Variants in EFCAB6 observed in about 807,000 individuals in gnomAD.
The protein encoded by EFCAB6 is EF-hand calcium-binding domain-containing protein 6.
A neutral mutation model predicts 169.8 loss-of-function variants in EFCAB6; 156 were observed. The ratio of observed to expected loss-of-function variants is 0.92; its 90% CI spans 0.81 to 1.05. The LOEUF is 1.05. Ranked by LOEUF, EFCAB6 falls within the 50% of genes least tolerant of loss-of-function variation. The pLI is 0.00. For synonymous variants in EFCAB6, 698 were observed against 676.4 expected (o/e 1.03, Z -0.50); for missense variants, 1,800 against 1,829.1 (o/e 0.98, Z 0.29).
In EFCAB6 at chr22:43,665,560, G is replaced by A. The variant is rs187615315; in HGVS notation, c.1983+1544C>T. Among the ~76,000 whole-genome samples, 63 of 152,332 alleles carry A rather than the reference G, an allele frequency of 4.1e-4. 2 individuals carry two copies. In the East Asian group the frequency reaches 6.0e-3, roughly 14 times the overall value. ...CATTACGGACAAGGACCCGTGCCAC[G>A]TAGCTCAGGGTGAAATAAAATCTAG... On this transcript the variant is annotated intron_variant, in intron 17 of 31. Transcript: ENST00000262726.
At chr22:43,629,467 G>A (rs1014943305) in intron 19 of EFCAB6, among the ~76,000 whole-genome samples, 1 of 152,182 alleles carries the variant, frequency 6.6e-6, no homozygotes, top group Non-Finnish European at 1.5e-5. Flanking sequence ...CCTCCAGTTC[G>A]CTGCCCAGCA....
intron 2 of EFCAB6, among the ~76,000 whole-genome samples, chr22:43,800,811 G>A (rs1001842151): frequency 6.6e-6 from 1 of 151,982 alleles, no homozygotes; most frequent in African/African-American, 2.4e-5. Flanking sequence ...AGAATGAAAA[G>A]CAATGAAGAT....
intron 4 of EFCAB6, among the ~76,000 whole-genome samples, chr22:43,767,826 A>G (rs2061362086): frequency 4.1e-4 from 1 of 2,432 alleles, no homozygotes; most frequent in Non-Finnish European, 8.7e-4. Flanking sequence ...TTGCGATGAT[A>G]GTCTCCAAAG....
intron 3 of EFCAB6, among the ~76,000 whole-genome samples, chr22:43,777,850 G>C (rs2061690150): frequency 6.6e-6 from 1 of 152,200 alleles, no homozygotes. Context: ...AACGTCTGAG[G>C]ATGAAAATGA....
rs924532150 is a variant in EFCAB6, at chr22:43,540,135, G to A, written c.3871C>T (p.His1291Tyr). ...ELRPGSKSQS[H>Y]PCTPASTTVI... ...CAGGATGGAGAACTCACACAGGGGT[G>A]GCTCTGCGACTTTGACCCTGGTCTC... Residue 1291 changes from histidine (H) to tyrosine (Y), a missense_variant, in exon 28 of 32, where the codon CAC (histidine) becomes TAC (tyrosine). Transcript: ENST00000262726. 4 of 1,614,032 alleles carry A rather than the reference G, an allele frequency of 2.5e-6. No homozygotes were observed. The South Asian group carries it at 3.3e-5, about 13-fold the overall frequency.
Position 43,600,138 on chromosome 22 carries a change from G to A in EFCAB6, c.2807C>T (p.Thr936Ile). Residue 936 changes from threonine to isoleucine, a missense_variant, in exon 23 of 32, where the codon ACA (threonine) becomes ATA (isoleucine). Thr to Ile is a moderately conservative substitution (Grantham distance 89, BLOSUM62 -1). Transcript: ENST00000262726. ...EDYFNFMGHF[T>I]KPQQLQEEMK... ...CTCTTCCTGTAGCTGCTGTGGCTTT[G>A]TAAAATGACCCATGAAGTTGAAATA... 6.2e-7 allele frequency: 1 copy of A among 1,614,122 alleles called. No homozygotes were observed. The highest frequency in any genetic ancestry group is 8.5e-7 in the Non-Finnish European group (1 of 1,180,014).
At chr22:43,742,105 A>C (rs1425375282) in intron 6 of EFCAB6, among the ~76,000 whole-genome samples, 1 of 152,188 alleles carries the variant, frequency 6.6e-6, no homozygotes, top group Non-Finnish European at 1.5e-5. Context: ...GTCATTACCC[A>C]TGGAGACCTA....
chr22:43,665,468 C>T (rs192401621), intron 17 of EFCAB6, among the ~76,000 whole-genome samples: 176 of 152,252 alleles, frequency 1.2e-3, no homozygotes, highest in African/African-American at 4.0e-3. Flanking sequence ...ATTAGTTTCC[C>T]GTGAATTTGT....
intron 17 of EFCAB6, 101 bp downstream of exon 17, chr22:43,667,003 T>G: frequency 7.4e-7 from 1 of 1,350,746 alleles, no homozygotes. Flanking sequence ...GAAATGGATC[T>G]GCTGCGTCCT....
intron 6 of EFCAB6, among the ~76,000 whole-genome samples, chr22:43,751,286 C>G (rs1431819463): frequency 1.3e-5 from 2 of 152,174 alleles, no homozygotes. Flanking sequence ...CAGTACTTCC[C>G]TCAACAGGGC....
chr22:43,805,318 G>A (rs1006171005), intron 2 of EFCAB6, among the ~76,000 whole-genome samples: 18 of 152,114 alleles, frequency 1.2e-4, no homozygotes, highest in Non-Finnish European at 2.4e-4. Context: ...GATTCAGTGC[G>A]ATGTGATACA....
At chr22:43,528,997 C>A (rs972057076) in intron 31 of EFCAB6, 22 bp from the exon 32 acceptor site, 2 of 1,551,444 alleles carry the variant, frequency 1.3e-6, no homozygotes, top group Non-Finnish European at 8.8e-7. Context: ...AGAAAAGGGG[C>A]CTCTGAGGCT....
chr22:43,581,784 C>T (rs890641140), intron 24 of EFCAB6, among the ~76,000 whole-genome samples: 13 of 152,192 alleles, frequency 8.5e-5, no homozygotes, highest in Non-Finnish European at 1.5e-4. Context: ...GCTGCAGAGC[C>T]GCCTTGCACA....
chr22:43,716,725 G>A, intron 9 of EFCAB6, 123 bp downstream of exon 9: 1 of 1,207,916 alleles, frequency 8.3e-7, no homozygotes, highest in Non-Finnish European at 1.1e-6. Context: ...TCTCAGTATT[G>A]GAGAAGACAT....
At chr22:43,640,256 T>A (rs1157069109) in intron 17 of EFCAB6, among the ~76,000 whole-genome samples, 1 of 152,170 alleles carries the variant, frequency 6.6e-6, no homozygotes, top group African/African-American at 2.4e-5. Context: ...CTCCAAAGAG[T>A]GACATGTTTT....
intron 10 of EFCAB6, among the ~76,000 whole-genome samples, chr22:43,697,819 C>T (rs773540935): frequency 3.7e-4 from 57 of 152,056 alleles, no homozygotes; most frequent in African/African-American, 1.2e-3. Flanking sequence ...TGTGACTTCA[C>T]GTACAGAGAG....
chr22:43,618,137 A>C (rs2053832075), intron 20 of EFCAB6, among the ~76,000 whole-genome samples: 1 of 78,234 alleles, frequency 1.3e-5, no homozygotes, highest in Non-Finnish European at 2.5e-5. Flanking sequence ...AGAAAGAGAC[A>C]GAGAGGAGGA....
chr22:43,669,538 G>C (rs1486508222), intron 15 of EFCAB6, among the ~76,000 whole-genome samples: 1 of 152,174 alleles, frequency 6.6e-6, no homozygotes, highest in Non-Finnish European at 1.5e-5. Context: ...TCATGAAAGA[G>C]AGCTATCAGT....
intron 30 of EFCAB6, 146 bp downstream of exon 30, chr22:43,534,542 C>A: frequency 1.4e-6 from 1 of 702,960 alleles, no homozygotes; most frequent in South Asian, 2.6e-5. Context: ...AGGAGGACCA[C>A]CTAAGCTGGG....
Sources: gnomAD v4.1 joint callset for allele counts (sites outside exome capture counted in the v4.1 genomes callset) on GRCh38, gnomAD v4.1.1 for gene constraint, MANE v1.5 for transcripts, NCBI Gene and HGNC (gene_info 2026-07-23, HGNC 2026-07-21) for gene names.